The following FAT1 variants were observed in gnomAD, a reference collection of about 807,000 sequenced individuals.
FAT1 encodes the protein FAT atypical cadherin 1, also known as protocadherin Fat 1.
In FAT1, 171 loss-of-function variants were observed where a neutral mutation model predicts 329.8. The observed-to-expected ratio is 0.52, with a 90% confidence interval of 0.46 to 0.59. FAT1 has a LOEUF of 0.59. Among genes scored for constraint, FAT1 ranks in the 20% least tolerant of loss-of-function variants. The pLI is 0.00. For synonymous variants in FAT1, 2,233 were observed against 2,228.6 expected, an observed-to-expected ratio of 1.00 and a Z score of -0.06; for missense variants, 5,672 against 5,774.4, an observed-to-expected ratio of 0.98 and a Z score of 0.57.
intron 7 of FAT1, among the ~76,000 whole-genome samples, chr4:186,630,577 C>T (rs1370106610): frequency 6.6e-6 from 1 of 152,032 alleles, no homozygotes; most frequent in Non-Finnish European, 1.5e-5. Flanking sequence ...GGACAAGAGC[C>T]CAAACCAGTG....
intron 3 of FAT1, among the ~76,000 whole-genome samples, chr4:186,648,544 T>G (rs908023948): frequency 4.6e-5 from 7 of 152,104 alleles, no homozygotes; most frequent in Non-Finnish European, 8.8e-5. Flanking sequence ...ACTGTAAAAA[T>G]AAAGTTTGCT....
At chr4:186,661,958 G>T (rs1742192295) in intron 3 of FAT1, among the ~76,000 whole-genome samples, 2 of 152,108 alleles carry the variant, frequency 1.3e-5, no homozygotes, top group Non-Finnish European at 1.5e-5. Context: ...TGTCAGAATT[G>T]AATGAGAGGA....
intron 5 of FAT1, 85 bp downstream of exon 5, chr4:186,636,500 G>C: frequency 7.3e-7 from 1 of 1,376,118 alleles, no homozygotes; most frequent in Non-Finnish European, 9.9e-7. Flanking sequence ...TTACAAAATA[G>C]AAATAAAGTT....
At position 186,709,369 on chromosome 4, in the gene FAT1, T is replaced by G; in HGVS notation, c.459A>C (p.Ser153=). ...TGTTTTCAGGTAAAGAAACGCTGTATGAGGTGGGTGAGAATAACGGTCTCA... is the reference window on the plus strand; with the variant it reads ...TGTTTTCAGGTAAAGAAACGCTGTAGGAGGTGGGTGAGAATAACGGTCTCA... ...NDLRPLFSPT[S]YSVSLPENTA... The change falls in exon 2 of 27, where the codon TCA becomes TCC. Residue 153 remains serine (S), a synonymous_variant. Coordinates refer to ENST00000441802, the MANE Select transcript of FAT1 (RefSeq NM_005245.4). 1 of 1,614,002 alleles carries G rather than the reference T, an allele frequency of 6.2e-7. No homozygotes were observed. The highest frequency in any genetic ancestry group is 8.5e-7 in the Non-Finnish European group (1 of 1,179,894).
chr4:186,700,638 C>T (rs1744262526), intron 2 of FAT1, among the ~76,000 whole-genome samples: 1 of 152,178 alleles, frequency 6.6e-6, no homozygotes, highest in Non-Finnish European at 1.5e-5. Flanking sequence ...GGCTCCCTCG[C>T]AGCATCCGTA....
rs778169395 is a variant in FAT1, at chr4:186,619,873, A to G, written c.6713T>C (p.Val2238Ala). Residue 2238 changes from valine to alanine, a missense_variant, in exon 10 of 27, where the codon GTC (valine) becomes GCC (alanine). Around this residue, in one of 2 missense-constraint regions of FAT1, gnomAD observed 3,966 missense variants for 3,915.2 expected, o/e 1.01. Transcript: ENST00000441802. ...TINFNTGVIN[V>A]IAPLDFEAHP... ...GGCCTCAAAGTCCAGAGGAGCTATG[A>G]CATTGATAACTCCAGTATTGAAGTT... 73 of 1,613,882 alleles carry G rather than the reference A, an allele frequency of 4.5e-5. No homozygotes were observed. Among genetic ancestry groups the G allele is most frequent in the South Asian group, 1.6e-4 (15 of 91,084 alleles).
chr4:186,663,456 C>T lies in FAT1; in HGVS notation c.3423G>A (p.Glu1141=). The T allele has an allele frequency of 1.2e-6, 2 of 1,613,998 alleles. No individual in the cohort carries two copies. Among genetic ancestry groups the T allele is most frequent in the Non-Finnish European group, 1.7e-6 (2 of 1,179,890 alleles). Residue 1141 remains glutamate (E), a synonymous_variant, in exon 3 of 27, where the codon GAG becomes GAA. Coordinates refer to ENST00000441802, the MANE Select transcript of FAT1 (RefSeq NM_005245.4). ...CCATGATTTCTGGGTAATAAACAGGCTCTGATGTCTGTGGTGCATTGTCAT... is the reference window on the plus strand; with the variant it reads ...CCATGATTTCTGGGTAATAAACAGGTTCTGATGTCTGTGGTGCATTGTCAT... The part of the protein sequence containing the change: ...DVNDNAPQTS[E]PVYYPEIMEN...
upstream of FAT1, among the ~76,000 whole-genome samples, chr4:186,725,572 G>A (rs1470856056): frequency 6.6e-6 from 1 of 151,876 alleles, no homozygotes; most frequent in African/African-American, 2.4e-5. The surrounding 1 kb of genome is among the most constrained non-coding windows in gnomAD (Gnocchi z 5.4). Context: ...GTCGCCACAG[G>A]AGCCGCCGAG....
At chr4:186,604,006 T>C in intron 18 of FAT1, 29 bp from the exon 19 acceptor site, 1 of 1,534,596 alleles carries the variant, frequency 6.5e-7, no homozygotes, top group Non-Finnish European at 9.0e-7. Context: ...AAAATCACCT[T>C]TGTCTATGGC....
At chr4:186,698,758 C>T (rs978120118) in intron 2 of FAT1, among the ~76,000 whole-genome samples, 9 of 152,132 alleles carry the variant, frequency 5.9e-5, no homozygotes, top group East Asian at 5.8e-4. Flanking sequence ...AATGCGGCTC[C>T]GCCACGGAGA....
chr4:186,626,861 AGAAT>A (rs1215814487), intron 9 of FAT1, among the ~76,000 whole-genome samples: 4 of 9,676 alleles, frequency 4.1e-4, no homozygotes, highest in Non-Finnish European at 6.2e-4. Context: ...ACCAGCCCAC[AGAAT>A]GAATGAATGA....
intron 3 of FAT1, among the ~76,000 whole-genome samples, chr4:186,653,535 C>T (rs1028205563): frequency 2.6e-5 from 4 of 152,150 alleles, no homozygotes; most frequent in African/African-American, 7.2e-5. Context: ...CAGCAATCAA[C>T]GAAATTGTTT....
chr4:186,628,468 A>C lies in FAT1; in HGVS notation c.4599+20T>G. Reference sequence around the variant, plus strand: ...GGCCTCAGGACCAAATGGTGGGAGGAGAGCGGGTAGAGCGCCTACCATGAC... The same window carrying C: ...GGCCTCAGGACCAAATGGTGGGAGGCGAGCGGGTAGAGCGCCTACCATGAC... On this transcript the variant is annotated intron_variant, in intron 8 of 26. Transcript: ENST00000441802. The C allele has an allele frequency of 1.2e-6, 2 of 1,613,424 alleles. No homozygotes were observed. Among genetic ancestry groups the C allele is most frequent in the Non-Finnish European group, 1.7e-6 (2 of 1,179,416 alleles).
intron 3 of FAT1, among the ~76,000 whole-genome samples, chr4:186,642,104 T>C (rs1269768616): frequency 6.6e-6 from 1 of 152,230 alleles, no homozygotes; most frequent in Non-Finnish European, 1.5e-5. Flanking sequence ...CTCAAATTAA[T>C]TCTCCTCCGT....
At position 186,676,289 on chromosome 4, in the gene FAT1, AC is replaced by A. The variant is rs1251530881; in HGVS notation, c.3266-12677del. Among the ~76,000 whole-genome samples, 20 of 148,676 alleles carry A rather than the reference AC, an allele frequency of 1.3e-4. No homozygotes were observed. The East Asian group carries it at 1.4e-3, about 10-fold the overall frequency. ...TCAATTCATTTTGTGAAAAAAAAAA[AC>A]AAAAAAAAACAGGGAGAAGAGGATA... On this transcript the variant is annotated intron_variant, in intron 2 of 26. Coordinates refer to ENST00000441802, the MANE Select transcript of FAT1 (RefSeq NM_005245.4).
chr4:186,704,348 T>C (rs950847131), intron 2 of FAT1, among the ~76,000 whole-genome samples: 3 of 152,166 alleles, frequency 2.0e-5, no homozygotes, highest in African/African-American at 7.2e-5. Context: ...GGTTGTTTCC[T>C]TATTTTTTTT....
intron 2 of FAT1, among the ~76,000 whole-genome samples, chr4:186,679,128 C>A (rs1269365776): frequency 2.0e-5 from 3 of 152,140 alleles, no homozygotes; most frequent in Non-Finnish European, 4.4e-5. Context: ...CGCCTGTAAT[C>A]CCAGCACTAT....
chr4:186,610,588 A>ATATAAATTATATAATTTATATAAT (rs1739360150), intron 14 of FAT1, among the ~76,000 whole-genome samples: 2 of 144,522 alleles, frequency 1.4e-5, no homozygotes, highest in Admixed American at 7.0e-5. Flanking sequence ...ATAAATATAA[A>ATATAAATTATATAATTTATATAAT]TTATATAAAT....
In FAT1 at chr4:186,662,296, T is replaced by G. The variant is rs376832439; in HGVS notation, c.3580+1003A>C. ...GACAATGCCTTTAATTTTTCAGTAC[T>G]TAGTTCTTAGCTCACTTTTGCTTTA... On this transcript the variant is annotated intron_variant, in intron 3 of 26. Coordinates refer to ENST00000441802, the MANE Select transcript of FAT1 (RefSeq NM_005245.4). Among the ~76,000 whole-genome samples, 4 of 152,174 alleles carry G rather than the reference T, an allele frequency of 2.6e-5. No individual in the cohort carries two copies. In the East Asian group the frequency reaches 5.8e-4, roughly 22 times the overall value.
Sources: gnomAD v4.1 joint callset for allele counts (sites outside exome capture counted in the v4.1 genomes callset) on GRCh38, gnomAD v4.1.1 for gene constraint, gnomAD v4.1.1 regional missense constraint, Gnocchi (gnomAD v3.1) non-coding constraint, MANE v1.5 for transcripts, NCBI Gene and HGNC (gene_info 2026-07-23, HGNC 2026-07-21) for gene names.